The following CSMD1 variants were observed in gnomAD, a reference collection of about 807,000 sequenced individuals.
The protein encoded by CSMD1 is CUB and Sushi multiple domains 1.
A neutral mutation model predicts 417.5 loss-of-function variants in CSMD1; 213 were observed. The ratio of observed to expected loss-of-function variants is 0.51; its 90% CI spans 0.46 to 0.57. The LOEUF (loss-of-function observed/expected upper bound fraction) is 0.57, where lower values mean the gene tolerates loss of function less well. Among genes scored for constraint, CSMD1 ranks in the 20% least tolerant of loss-of-function variants. The pLI, the probability that CSMD1 is intolerant of heterozygous loss-of-function variation, is 0.00. For synonymous variants in CSMD1, 2,862 were observed against 1,736.8 expected, an observed-to-expected ratio of 1.65 and a Z score of -16.11; for missense variants, 6,923 against 4,529.7, an observed-to-expected ratio of 1.53 and a Z score of -15.17.
chr8:4,468,225 G>A (rs1268941364), intron 2 of CSMD1, among the ~76,000 whole-genome samples: 2 of 152,140 alleles, frequency 1.3e-5, no homozygotes, highest in African/African-American at 4.8e-5. Flanking sequence ...GGGCATGCCT[G>A]GGGAAAGGAA....
chr8:3,266,171 C>T (rs146936200), intron 26 of CSMD1, among the ~76,000 whole-genome samples: 1 of 150,770 alleles, frequency 6.6e-6, no homozygotes, highest in Non-Finnish European at 1.5e-5. Flanking sequence ...GGACACCTGC[C>T]TCTCAAGGGC....
chr8:3,448,352 GAA>G (rs1815451642), intron 12 of CSMD1, among the ~76,000 whole-genome samples: 1 of 14,490 alleles, frequency 6.9e-5, no homozygotes, highest in Non-Finnish European at 1.2e-4. Flanking sequence ...AGGGAGGAAG[GAA>G]GAAGGAAGAA....
At chr8:3,355,290 A>G (rs1247410487) in intron 21 of CSMD1, among the ~76,000 whole-genome samples, 1 of 152,176 alleles carries the variant, frequency 6.6e-6, no homozygotes, top group African/African-American at 2.4e-5. Flanking sequence ...TTGTTCAAAT[A>G]ATTCTGAAAT....
chr8:3,245,180 C>T (rs1057142186), intron 26 of CSMD1, among the ~76,000 whole-genome samples: 2 of 152,172 alleles, frequency 1.3e-5, no homozygotes, highest in Non-Finnish European at 2.9e-5. Flanking sequence ...AATGGCACTC[C>T]TGTCTTCTGA....
At chr8:3,583,896 G>T (rs1013557790) in intron 9 of CSMD1, among the ~76,000 whole-genome samples, 1 of 151,616 alleles carries the variant, frequency 6.6e-6, no homozygotes, top group Non-Finnish European at 1.5e-5. Flanking sequence ...CAACTAGATA[G>T]ATAAGGAGCA....
At chr8:4,629,393 G>C (rs970852473) in intron 2 of CSMD1, among the ~76,000 whole-genome samples, 1 of 152,132 alleles carries the variant, frequency 6.6e-6, no homozygotes, top group Non-Finnish European at 1.5e-5. Flanking sequence ...AACTTGGTTC[G>C]AATATACTTA....
chr8:3,990,327 G>A (rs1037662427), intron 5 of CSMD1, among the ~76,000 whole-genome samples: 1 of 152,106 alleles, frequency 6.6e-6, no homozygotes, highest in East Asian at 1.9e-4. Context: ...TTAATTTGGA[G>A]AAATCTGACA....
chr8:4,201,342 T>C (rs1171170264), intron 3 of CSMD1, among the ~76,000 whole-genome samples: 1 of 151,762 alleles, frequency 6.6e-6, no homozygotes, highest in Non-Finnish European at 1.5e-5. Flanking sequence ...ATCGAGACCA[T>C]CTTGGGTAAC....
chr8:4,127,681 T>C (rs978922409), intron 3 of CSMD1, among the ~76,000 whole-genome samples: 1 of 152,134 alleles, frequency 6.6e-6, no homozygotes, highest in Non-Finnish European at 1.5e-5. Flanking sequence ...AAGGAAGATA[T>C]TAAATAATAG....
At chr8:4,908,225 C>T (rs1426036625) in intron 1 of CSMD1, among the ~76,000 whole-genome samples, 1 of 152,146 alleles carries the variant, frequency 6.6e-6, no homozygotes. Context: ...AAATTTGCTG[C>T]AGTGTTTATA....
intron 23 of CSMD1, among the ~76,000 whole-genome samples, chr8:3,325,833 C>G (rs1806492607): frequency 6.6e-6 from 1 of 151,880 alleles, no homozygotes; most frequent in South Asian, 2.1e-4. Flanking sequence ...CAAACAAAAA[C>G]AAAAACAAAA....
chr8:3,860,613 G>C (rs116054128), intron 5 of CSMD1, among the ~76,000 whole-genome samples: 5,529 of 152,162 alleles, frequency 0.036, 103 homozygotes, highest in Middle Eastern at 0.068. Flanking sequence ...GAACATAAGA[G>C]ACACTATTAG....
At chr8:4,008,608 T>TA (rs1816313820) in intron 4 of CSMD1, among the ~76,000 whole-genome samples, 2 of 129,034 alleles carry the variant, frequency 1.5e-5, no homozygotes, top group Non-Finnish European at 3.3e-5. Flanking sequence ...TTCTTTTTTT[T>TA]TTTTTTTTTT....
intron 7 of CSMD1, among the ~76,000 whole-genome samples, chr8:3,663,192 A>T (rs920974678): frequency 6.6e-6 from 1 of 152,162 alleles, no homozygotes; most frequent in Non-Finnish European, 1.5e-5. Context: ...TCCAGCACAG[A>T]GAAAGCGTGA....
At chr8:4,554,647 G>C (rs1526332) in intron 2 of CSMD1, among the ~76,000 whole-genome samples, 6 of 151,932 alleles carry the variant, frequency 3.9e-5, no homozygotes, top group African/African-American at 1.5e-4. Flanking sequence ...GTTGCCATAG[G>C]CAACATTTAC....
chr8:4,554,015 G>A (rs145751938), intron 2 of CSMD1, among the ~76,000 whole-genome samples: 2 of 152,274 alleles, frequency 1.3e-5, no homozygotes, highest in Admixed American at 6.5e-5. Flanking sequence ...TAGACCTTGC[G>A]ATCTAACCGC....
chr8:3,613,266 A>G, intron 8 of CSMD1: 1 of 422,198 alleles, frequency 2.4e-6, no homozygotes, highest in South Asian at 1.7e-5. Flanking sequence ...TTCAATCCGT[A>G]ATTAAAAACC....
chr8:4,693,220 G>A (rs574342166), intron 1 of CSMD1, among the ~76,000 whole-genome samples: 7 of 152,306 alleles, frequency 4.6e-5, no homozygotes, highest in Admixed American at 3.9e-4. Context: ...TCACCCCTTG[G>A]GTGACGGCCA....
chr8:4,083,548 C>A (rs750426819), intron 3 of CSMD1, among the ~76,000 whole-genome samples: 1 of 152,184 alleles, frequency 6.6e-6, no homozygotes, highest in African/African-American at 2.4e-5. Context: ...ATATTTACAA[C>A]TGTCTGATCT....
Sources: allele counts gnomAD v4.1 joint callset (sites outside exome capture counted in the v4.1 genomes callset), GRCh38; gene constraint gnomAD v4.1.1; transcripts MANE v1.5; gene names NCBI Gene and HGNC (gene_info 2026-07-23, HGNC 2026-07-21).